Variants in ZNF780B observed in about 807,000 individuals in gnomAD.
ZNF780B encodes the protein zinc finger protein 779.
Under a neutral mutation model 74.1 loss-of-function variants are expected in ZNF780B, and 52 were observed. That is an observed-to-expected ratio of 0.70 (90% CI 0.56 to 0.88). The LOEUF is 0.88. Among genes scored for constraint, ZNF780B ranks in the 40% least tolerant of loss-of-function variants. ZNF780B has a pLI of 0.00. For missense variants in ZNF780B, 953 were observed against 1,007.6 expected, an observed-to-expected ratio of 0.95 and a Z score of 0.73; for synonymous variants, 315 against 324.3, an observed-to-expected ratio of 0.97 and a Z score of 0.31.
intron 4 of ZNF780B, among the ~76,000 whole-genome samples, chr19:40,039,731 G>C (rs1489821563): frequency 6.6e-6 from 1 of 152,194 alleles, no homozygotes; most frequent in Non-Finnish European, 1.5e-5. Context: ...TGGTGTATAA[G>C]AATGCTTGTG....
At position 40,036,605 on chromosome 19, in the gene ZNF780B, G is replaced by A. The variant is rs1406915939; in HGVS notation, c.254C>T (p.Pro85Leu). Residue 85 changes from proline to leucine, a missense_variant, in exon 5 of 5, where the codon CCT becomes CTT. Coordinates refer to ENST00000434248, the MANE Select transcript of ZNF780B (RefSeq NM_001005851.3). ...ATCATTTTCTGGAGATATTTTCTCA[G>A]GTCCATATTTTGACTCCAAATCTGA... ...WYPDLESKYG[P>L]EKISPENDIF... 1 of 1,543,040 alleles carries A rather than the reference G, an allele frequency of 6.5e-7. No homozygotes were observed. Among genetic ancestry groups the A allele is most frequent in the Non-Finnish European group, 8.7e-7 (1 of 1,148,114 alleles).
chr19:40,047,507 A>T (rs1972986680), intron 3 of ZNF780B, 37 bp from the exon 4 acceptor site: 12 of 1,494,180 alleles, frequency 8.0e-6, no homozygotes, highest in Non-Finnish European at 1.1e-5. Flanking sequence ...AATTTTTTTA[A>T]TATAAAAATT....
At chr19:40,042,244 G>A (rs979180556) in intron 4 of ZNF780B, among the ~76,000 whole-genome samples, 23 of 152,168 alleles carry the variant, frequency 1.5e-4, no homozygotes, top group Admixed American at 7.8e-4. Context: ...CTCTCTTCTG[G>A]CTTGTAGAGT....
rs1972015123 is a variant in ZNF780B at position 40,031,846 on chromosome 19, A to G, written c.*2511T>C. The G allele has an allele frequency of 3.6e-6, 1 of 279,170 alleles. No individual in the cohort carries two copies. The allele number at this position is 279,170 out of a possible 1,614,324, so 17.3% of individuals were successfully genotyped here. Reference sequence around the variant, plus strand: ...TTTTCAGAGATGACAACGTCTCTCCATAGATTACTTACCCACTACAAACTA... The same window carrying G: ...TTTTCAGAGATGACAACGTCTCTCCGTAGATTACTTACCCACTACAAACTA... On this transcript the variant is annotated 3_prime_UTR_variant, in exon 5 of 5. Transcript: ENST00000434248.
At chr19:40,043,451 G>C (rs1303490101) in intron 4 of ZNF780B, among the ~76,000 whole-genome samples, 1 of 152,218 alleles carries the variant, frequency 6.6e-6, no homozygotes, top group African/African-American at 2.4e-5. Context: ...AAAGCTGTCA[G>C]ACAGGGACAT....
intron 3 of ZNF780B, 99 bp from the exon 4 acceptor site, chr19:40,047,569 C>A: frequency 5.7e-6 from 4 of 705,136 alleles, no homozygotes; most frequent in Non-Finnish European, 6.6e-6. Context: ...CAAGCCAAAA[C>A]AATATTGAGA....
chr19:40,048,207 T>C (rs1973026242), intron 3 of ZNF780B, among the ~76,000 whole-genome samples: 1 of 152,228 alleles, frequency 6.6e-6, no homozygotes, highest in African/African-American at 2.4e-5. Flanking sequence ...TACAGTGGCA[T>C]GACCACGGCT....
rs1312625574 is a variant in ZNF780B, at chr19:40,041,926, T to C, written c.233-5300A>G. Among the ~76,000 whole-genome samples the C allele has an allele frequency of 3.3e-5, 5 of 152,208 alleles. 1 individual carries two copies. In the South Asian group the frequency reaches 6.2e-4, roughly 19 times the overall value. ...TTTACATTTAAAGTTAATATTGTTA[T>C]GTGTGAATTTGGTCCTGTAATTATG... On this transcript the variant is annotated intron_variant, in intron 4 of 4. Coordinates refer to ENST00000434248, the MANE Select transcript of ZNF780B (RefSeq NM_001005851.3).
chr19:40,034,490 A>G lies in ZNF780B; in HGVS notation c.2369T>C (p.Phe790Ser), dbSNP rs1260654542. The change falls in exon 5 of 5, where the codon TTT becomes TCT. Residue 790 changes from phenylalanine to serine, a missense_variant. Phe to Ser is a radical substitution (Grantham distance 155). Transcript: ENST00000434248. ...PYECKECGKA[F>S]RLHLQLSLHQ... ...CAGAGAAAGTTGTAGGTGAAGTCTA[A>G]AAGCCTTCCCACACTCCTTACATTC... 1 of 1,613,902 alleles carries G rather than the reference A, an allele frequency of 6.2e-7. No homozygotes were observed. Among genetic ancestry groups the G allele is most frequent in the Non-Finnish European group, 8.5e-7 (1 of 1,179,996 alleles).
intron 4 of ZNF780B, among the ~76,000 whole-genome samples, chr19:40,046,666 A>G (rs1972945336): frequency 6.6e-6 from 1 of 152,186 alleles, no homozygotes; most frequent in African/African-American, 2.4e-5. Context: ...CCTTGTCTCT[A>G]TAGCATGATT....
chr19:40,039,295 T>C (rs1231747799), intron 4 of ZNF780B, among the ~76,000 whole-genome samples: 2 of 152,276 alleles, frequency 1.3e-5, no homozygotes, highest in African/African-American at 2.4e-5. Context: ...AACAGTACCA[T>C]GCTGTTTTGG....
intron 4 of ZNF780B, among the ~76,000 whole-genome samples, chr19:40,038,201 G>T (rs1203919732): frequency 6.6e-6 from 1 of 151,900 alleles, no homozygotes; most frequent in Admixed American, 6.6e-5. Context: ...TGCTGAGAAT[G>T]ATGGTTTCCA....
intron 2 of ZNF780B, among the ~76,000 whole-genome samples, chr19:40,049,743 A>G (rs972400608): frequency 6.6e-6 from 1 of 152,212 alleles, no homozygotes; most frequent in Non-Finnish European, 1.5e-5. Context: ...CCACTGTTCC[A>G]ACATTCTTTC....
chr19:40,053,205 T>C (rs2144849836), intron 1 of ZNF780B, among the ~76,000 whole-genome samples: 1 of 152,216 alleles, frequency 6.6e-6, no homozygotes, highest in East Asian at 1.9e-4. Flanking sequence ...ATCCAAAACG[T>C]GTGAGGAACT....
chr19:40,052,969 C>G (rs1365347412), intron 1 of ZNF780B, among the ~76,000 whole-genome samples: 4 of 151,994 alleles, frequency 2.6e-5, no homozygotes, highest in Admixed American at 2.6e-4. Flanking sequence ...ATGTAAGATC[C>G]CAAACTATGA....
Position 40,031,002 on chromosome 19 carries a change from A to G in ZNF780B, c.*3355T>C, listed in dbSNP as rs1277628740. 1.3e-5 allele frequency: 2 copies of G among 152,254 alleles called. No homozygotes were observed. The highest frequency in any genetic ancestry group is 6.5e-5 in the Admixed American group (1 of 15,290). 9.4% of individuals were successfully genotyped at this position (152,254 alleles called of 1,614,324 possible). On this transcript the variant is annotated 3_prime_UTR_variant, in exon 5 of 5. Coordinates refer to ENST00000434248, the MANE Select transcript of ZNF780B (RefSeq NM_001005851.3). ...AAAATACTTGGAAAATTATAACTTT[A>G]CTTATGATTATAGATGCAATTAAAT...
At chr19:40,047,858 T>G (rs911457305) in intron 3 of ZNF780B, among the ~76,000 whole-genome samples, 1 of 152,198 alleles carries the variant, frequency 6.6e-6, no homozygotes, top group Non-Finnish European at 1.5e-5. Context: ...GGATTGATAC[T>G]AATATTAAAT....
chr19:40,053,895 CT>C (rs1297004157), intron 1 of ZNF780B, among the ~76,000 whole-genome samples: 1 of 152,224 alleles, frequency 6.6e-6, no homozygotes, highest in Non-Finnish European at 1.5e-5. Context: ...AATCCCAGCA[CT>C]TTCGAAAGCG....
At chr19:40,050,182 G>A (rs2075305) in intron 2 of ZNF780B, 142 bp downstream of exon 2, 4 of 879,288 alleles carry the variant, frequency 4.5e-6, no homozygotes, top group South Asian at 1.8e-5. Context: ...GGGTGACAGA[G>A]CAAGACTCCG....
Sources: gnomAD v4.1 joint callset for allele counts (sites outside exome capture counted in the v4.1 genomes callset) on GRCh38, gnomAD v4.1.1 for gene constraint, MANE v1.5 for transcripts, NCBI Gene and HGNC (gene_info 2026-07-23, HGNC 2026-07-21) for gene names.